Variants in NF1 observed in about 807,000 individuals in gnomAD.
NF1 encodes the protein neurofibromin.
NF1 carries 122 observed loss-of-function variants against 325.7 expected under a neutral mutation model. The observed-to-expected ratio is 0.37, with a 90% CI of 0.32 to 0.44. The LOEUF (loss-of-function observed/expected upper bound fraction) is 0.44, where lower values mean the gene tolerates loss of function less well. NF1 is among the 20% of genes least tolerant of loss of function. The probability of loss-of-function intolerance (pLI) is 1.00; values close to 1 mark genes in which losing one functional copy is unlikely to be tolerated. For missense variants in NF1, 2,140 were observed against 3,415.4 expected, an observed-to-expected ratio of 0.63 and a Z score of 9.31; for synonymous variants, 1,091 against 1,186.0, an observed-to-expected ratio of 0.92 and a Z score of 1.65.
intron 1 of NF1, among the ~76,000 whole-genome samples, chr17:31,099,749 G>A (rs2143196537): frequency 6.6e-6 from 1 of 151,712 alleles, no homozygotes; most frequent in South Asian, 2.1e-4. Flanking sequence ...TAGTAGAGAC[G>A]GGGGTTTCAC....
Position 31,214,321 on chromosome 17 carries a change from A to T in NF1, c.1393-130A>T, listed in dbSNP as rs2905875. ...ATGCTTACTATTGAGTGTTTCTACT[A>T]ATACCACACATTTGGTAGTATAAAA... On this transcript the variant is annotated intron_variant, in intron 12 of 57. Transcript: ENST00000358273. 0.67 allele frequency: 440,030 copies of T among 659,990 alleles called. 148,222 individuals are homozygous for T. The highest frequency in any genetic ancestry group is 0.79 in the Middle Eastern group (1,844 of 2,346). 40.9% of individuals were successfully genotyped at this position (659,990 alleles called of 1,614,324 possible).
intron 1 of NF1, among the ~76,000 whole-genome samples, chr17:31,102,805 C>T (rs912209709): frequency 6.7e-6 from 1 of 150,304 alleles, no homozygotes; most frequent in African/African-American, 2.4e-5. Context: ...CAATATATAC[C>T]TTACTTTAGT....
intron 36 of NF1, among the ~76,000 whole-genome samples, chr17:31,309,821 A>G (rs1236277026): frequency 6.6e-6 from 1 of 152,176 alleles, no homozygotes; most frequent in Non-Finnish European, 1.5e-5. Flanking sequence ...CCCTCCATGT[A>G]TGAGATTTTC....
At chr17:31,148,267 G>A (rs1916710657) in intron 1 of NF1, among the ~76,000 whole-genome samples, 1 of 152,014 alleles carries the variant, frequency 6.6e-6, no homozygotes, top group Admixed American at 6.6e-5. Context: ...CCATCCTTAA[G>A]TGTTCAAATT....
intron 1 of NF1, among the ~76,000 whole-genome samples, chr17:31,116,284 A>G (rs1480050236): frequency 6.6e-6 from 1 of 152,142 alleles, no homozygotes; most frequent in East Asian, 1.9e-4. Flanking sequence ...CGTTTTAGGG[A>G]AAATGCCTGA....
intron 38 of NF1, among the ~76,000 whole-genome samples, chr17:31,329,056 G>A (rs770094260): frequency 1.7e-4 from 26 of 152,158 alleles, no homozygotes; most frequent in Admixed American, 5.9e-4. Context: ...AGCTACTCGG[G>A]AGGCTGAGGC....
intron 1 of NF1, among the ~76,000 whole-genome samples, chr17:31,115,762 T>C (rs1913846852): frequency 6.6e-6 from 1 of 152,216 alleles, no homozygotes; most frequent in Non-Finnish European, 1.5e-5. Context: ...ATGAACAAGG[T>C]GTCGCCCATG....
At chr17:31,224,432 A>C (rs918584276) in intron 16 of NF1, among the ~76,000 whole-genome samples, 2 of 152,276 alleles carry the variant, frequency 1.3e-5, no homozygotes, top group East Asian at 1.9e-4. Context: ...GTTATTAATA[A>C]ATTGTCTCTT....
chr17:31,242,307 T>C (rs190537424), intron 29 of NF1, among the ~76,000 whole-genome samples: 6,605 of 115,172 alleles, frequency 0.057, 254 homozygotes, highest in Middle Eastern at 0.081. Context: ...TAAGTTCTCT[T>C]TTTTTTTTTT....
At chr17:31,266,551 C>T (rs1309611523) in intron 36 of NF1, among the ~76,000 whole-genome samples, 1 of 152,226 alleles carries the variant, frequency 6.6e-6, no homozygotes, top group Middle Eastern at 3.4e-3. Flanking sequence ...TTTTCGTTTG[C>T]GTTTGAGATG....
chr17:31,176,664 T>A (rs1468071866), intron 5 of NF1, among the ~76,000 whole-genome samples: 1 of 152,184 alleles, frequency 6.6e-6, no homozygotes, highest in Non-Finnish European at 1.5e-5. Context: ...GTCTTTAATC[T>A]ATCTTGAGTT....
chr17:31,226,759 A>G (rs2067023003), intron 18 of NF1, 75 bp downstream of exon 18: 9 of 1,588,322 alleles, frequency 5.7e-6, no homozygotes, highest in Non-Finnish European at 7.7e-6. Flanking sequence ...AATGTATTTA[A>G]GGTCACTACT....
intron 29 of NF1, among the ~76,000 whole-genome samples, chr17:31,243,788 C>A (rs1036303739): frequency 1.3e-5 from 2 of 151,938 alleles, no homozygotes; most frequent in African/African-American, 4.8e-5. Flanking sequence ...CCCCAGGAGC[C>A]TACTTAGTGC....
At chr17:31,128,929 A>AG (rs1390868310) in intron 1 of NF1, among the ~76,000 whole-genome samples, 1 of 151,410 alleles carries the variant, frequency 6.6e-6, no homozygotes, top group Non-Finnish European at 1.5e-5. Context: ...TCCGTCTCAA[A>AG]AAAAAAAAAA....
intron 29 of NF1, among the ~76,000 whole-genome samples, chr17:31,245,712 T>C (rs944804664): frequency 1.3e-4 from 20 of 152,168 alleles, no homozygotes; most frequent in African/African-American, 4.8e-4. Flanking sequence ...TGTCTCCAGG[T>C]GCACTACCCT....
chr17:31,260,552 C>T (rs751504340), intron 34 of NF1, 37 bp downstream of exon 34: 2 of 1,610,134 alleles, frequency 1.2e-6, no homozygotes, highest in African/African-American at 2.7e-5. Flanking sequence ...TGAACACTCT[C>T]CGTTTAAATT....
Position 31,230,294 on chromosome 17 carries a change from A to G in NF1, c.3025A>G (p.Ile1009Val), listed in dbSNP as rs1597716866. The change falls in exon 23 of 58, where the codon ATT becomes GTT. Residue 1009 changes from isoleucine to valine, a missense_variant. Ile to Val is a conservative substitution (Grantham distance 29). Transcript: ENST00000358273. The stretch of plus-strand genomic sequence containing the variant: ...TGTGCTTGGGAATATGGTCCATGCA[A>G]TTCAAATAAAAACGAAACTGTGTCA... Reference protein sequence around the residue: ...VRVLGNMVHAIQIKTKLCQLV... With the variant: ...VRVLGNMVHAVQIKTKLCQLV... 6.2e-7 allele frequency: 1 copy of G among 1,613,394 alleles called. No individual in the cohort carries two copies. The highest frequency in any genetic ancestry group is 8.5e-7 in the Non-Finnish European group (1 of 1,179,528).
rs1392480089 is a variant in NF1, at chr17:31,375,774, C to A, written c.*1619C>A. ...TTTTAATAATATATTTCACATTTAT[C>A]CACACAGTAACAATGTAATATGTTA... On this transcript the variant is annotated 3_prime_UTR_variant, in exon 58 of 58. Transcript: ENST00000358273. The A allele has an allele frequency of 4.3e-6, 1 of 232,388 alleles. No homozygotes were observed. Among genetic ancestry groups the A allele is most frequent in the African/African-American group, 2.2e-5 (1 of 45,340 alleles). The allele number at this position is 232,388 out of a possible 1,614,324, so 14.4% of individuals were successfully genotyped here.
At chr17:31,262,176 A>C (rs1276100718) in intron 35 of NF1, among the ~76,000 whole-genome samples, 1 of 152,220 alleles carries the variant, frequency 6.6e-6, no homozygotes, top group Non-Finnish European at 1.5e-5. Context: ...ACTCAATGTG[A>C]ATAATTGACT....
Sources: allele counts gnomAD v4.1 joint callset (sites outside exome capture counted in the v4.1 genomes callset), GRCh38; gene constraint gnomAD v4.1.1; transcripts MANE v1.5; gene names NCBI Gene and HGNC (gene_info 2026-07-23, HGNC 2026-07-21).